ARHGAP24: variants seen among roughly 807,000 people sequenced by gnomAD.
The protein encoded by ARHGAP24 is rho GTPase-activating protein 24.
Under a neutral mutation model 76.4 loss-of-function variants are expected in ARHGAP24, and 50 were observed. The ratio of observed to expected loss-of-function variants is 0.65; its 90% CI spans 0.52 to 0.83. The LOEUF is 0.83. Ranked by LOEUF, ARHGAP24 falls within the 40% of genes least tolerant of loss-of-function variation. ARHGAP24 has a pLI of 0.00. For missense variants in ARHGAP24, 930 were observed against 914.2 expected (o/e 1.02, Z -0.22); for synonymous variants, 345 against 323.3 (o/e 1.07, Z -0.72).
chr4:85,744,635 A>C (rs1268509849), intron 3 of ARHGAP24, among the ~76,000 whole-genome samples: 1 of 152,156 alleles, frequency 6.6e-6, no homozygotes, highest in Non-Finnish European at 1.5e-5. Context: ...TAAACCCTCC[A>C]TCCTCCACCC....
At chr4:85,487,352 T>C (rs1221366071) in intron 1 of ARHGAP24, among the ~76,000 whole-genome samples, 1 of 110,614 alleles carries the variant, frequency 9.0e-6, no homozygotes, top group Admixed American at 1.2e-4. Context: ...ACATTTATAA[T>C]ATATATAAAT....
At chr4:85,736,681 T>TA (rs1725620294) in intron 3 of ARHGAP24, among the ~76,000 whole-genome samples, 1 of 152,224 alleles carries the variant, frequency 6.6e-6, no homozygotes, top group Admixed American at 6.5e-5. Flanking sequence ...ATCGAGTACT[T>TA]ACAAAACTAG....
chr4:85,713,640 C>A (rs1724617594), intron 2 of ARHGAP24, among the ~76,000 whole-genome samples: 1 of 152,140 alleles, frequency 6.6e-6, no homozygotes, highest in Admixed American at 6.6e-5. Flanking sequence ...TGACTATCAG[C>A]TGCATGCTCC....
intron 3 of ARHGAP24, among the ~76,000 whole-genome samples, chr4:85,881,678 C>T (rs1166780061): frequency 6.6e-6 from 1 of 152,068 alleles, no homozygotes; most frequent in East Asian, 1.9e-4. Context: ...GTCCTAAGCA[C>T]GCTGAGATTC....
intron 3 of ARHGAP24, among the ~76,000 whole-genome samples, chr4:85,743,042 C>T (rs1985960): frequency 0.94 from 142,931 of 152,156 alleles, 67,809 homozygotes; most frequent in East Asian, 1. Context: ...TTATCAGGGA[C>T]TCCAGATCTC....
chr4:85,910,169 G>T (rs988020322), intron 3 of ARHGAP24, among the ~76,000 whole-genome samples: 1 of 152,204 alleles, frequency 6.6e-6, no homozygotes, highest in African/African-American at 2.4e-5. Flanking sequence ...CTGGCACCGG[G>T]GAACGCAGTG....
At chr4:85,676,818 A>G (rs1023186687) in intron 2 of ARHGAP24, among the ~76,000 whole-genome samples, 4 of 152,334 alleles carry the variant, frequency 2.6e-5, no homozygotes, top group African/African-American at 9.6e-5. Context: ...CTGCACTTTA[A>G]TTCTGTCAAA....
chr4:85,555,120 C>T (rs1726306056), intron 1 of ARHGAP24, among the ~76,000 whole-genome samples: 1 of 152,080 alleles, frequency 6.6e-6, no homozygotes, highest in Non-Finnish European at 1.5e-5. Context: ...ATTTGTATTT[C>T]TTTCATTTCA....
intron 5 of ARHGAP24, among the ~76,000 whole-genome samples, chr4:85,967,987 A>G (rs1452772535): frequency 5.3e-5 from 8 of 152,150 alleles, no homozygotes; most frequent in African/African-American, 1.4e-4. Context: ...GCCCCATTAC[A>G]TGGCATGCAT....
chr4:85,640,226 G>A (rs180924498), intron 2 of ARHGAP24, among the ~76,000 whole-genome samples: 14 of 152,186 alleles, frequency 9.2e-5, no homozygotes, highest in Middle Eastern at 6.8e-3. Flanking sequence ...CCAATGTCCC[G>A]TAACCCACTG....
intron 3 of ARHGAP24, among the ~76,000 whole-genome samples, chr4:85,750,006 G>A (rs1240048363): frequency 6.6e-6 from 1 of 152,062 alleles, no homozygotes; most frequent in Admixed American, 6.6e-5. Context: ...ATCCATCCAT[G>A]ACTGCATGCA....
chr4:85,981,543 G>A (rs896915785), intron 8 of ARHGAP24, among the ~76,000 whole-genome samples: 2 of 152,126 alleles, frequency 1.3e-5, no homozygotes, highest in African/African-American at 2.4e-5. Context: ...ATCCATTCAG[G>A]TTAGCTTTTC....
At chr4:85,855,718 C>T (rs528580424) in intron 3 of ARHGAP24, among the ~76,000 whole-genome samples, 24 of 148,726 alleles carry the variant, frequency 1.6e-4, no homozygotes, top group Admixed American at 1.5e-3. Context: ...GTGGAGGTTG[C>T]AGTGATCTGA....
Position 85,622,923 on chromosome 4 carries a change from T to C in ARHGAP24, c.180+52202T>C, listed in dbSNP as rs574040816. ...TTGAGAAGTGTCTGTTCATATCCTTTGCCCACTTTTTGATGGGGTTGTTTG... is the reference window on the plus strand; with the variant it reads ...TTGAGAAGTGTCTGTTCATATCCTTCGCCCACTTTTTGATGGGGTTGTTTG... On this transcript the variant is annotated intron_variant, in intron 2 of 9. Transcript: ENST00000395184. Among the ~76,000 whole-genome samples the C allele has an allele frequency of 5.9e-3, 898 of 151,950 alleles. 5 individuals are homozygous for C. Among genetic ancestry groups the C allele is most frequent in the Non-Finnish European group, 8.9e-3 (604 of 67,854 alleles).
intron 1 of ARHGAP24, among the ~76,000 whole-genome samples, chr4:85,494,346 C>T (rs1284562867): frequency 6.6e-6 from 1 of 152,204 alleles, no homozygotes; most frequent in African/African-American, 2.4e-5. Flanking sequence ...TTGTTCAACA[C>T]CCACTTAATG....
intron 3 of ARHGAP24, among the ~76,000 whole-genome samples, chr4:85,774,020 G>C (rs1361652636): frequency 6.6e-6 from 1 of 152,140 alleles, no homozygotes; most frequent in South Asian, 2.1e-4. Flanking sequence ...CAGTGCTCAG[G>C]CAAGAAATTC....
At chr4:85,893,743 T>A (rs1733969423) in intron 3 of ARHGAP24, among the ~76,000 whole-genome samples, 1 of 150,828 alleles carries the variant, frequency 6.6e-6, no homozygotes, top group Admixed American at 6.6e-5. Context: ...GTTAGTCTGA[T>A]GGGCTTTCCT....
Position 85,807,655 on chromosome 4 carries a change from A to C in ARHGAP24, c.268+85683A>C, listed in dbSNP as rs959599383. 2.6e-5 allele frequency among the ~76,000 whole-genome samples: 4 copies of C among 152,228 alleles called. No homozygotes were observed. The East Asian group carries it at 7.7e-4, about 29-fold the overall frequency. ...ATGATTAATGTCCAAGCCACATACT[A>C]TCCTGATGACGGATGGTTTTGTTGC... On this transcript the variant is annotated intron_variant, in intron 3 of 9. Transcript: ENST00000395184.
intron 1 of ARHGAP24, among the ~76,000 whole-genome samples, chr4:85,521,437 A>C (rs1017936015): frequency 3.9e-5 from 6 of 151,996 alleles, no homozygotes; most frequent in Admixed American, 2.6e-4. Flanking sequence ...CATACCTTCT[A>C]TCCCCCTCCC....
Sources: gnomAD v4.1 joint callset for allele counts (sites outside exome capture counted in the v4.1 genomes callset) on GRCh38, gnomAD v4.1.1 for gene constraint, MANE v1.5 for transcripts, NCBI Gene and HGNC (gene_info 2026-07-23, HGNC 2026-07-21) for gene names.